The following ADAMTS10 variants were observed in gnomAD, a reference collection of about 807,000 sequenced individuals.
ADAMTS10 encodes the protein ADAM metallopeptidase with thrombospondin type 1 motif 10.
In ADAMTS10, 48 loss-of-function variants were observed where a neutral mutation model predicts 135.9. That is an observed-to-expected ratio of 0.35 (90% CI 0.28 to 0.45). ADAMTS10 has a LOEUF of 0.45. Among genes scored for constraint, ADAMTS10 ranks in the 20% least tolerant of loss-of-function variants. The pLI, the probability that ADAMTS10 is intolerant of heterozygous loss-of-function variation, is 1.00. For synonymous variants in ADAMTS10, 621 were observed against 647.5 expected, an observed-to-expected ratio of 0.96 and a Z score of 0.62; for missense variants, 1,131 against 1,565.2, an observed-to-expected ratio of 0.72 and a Z score of 4.68.
intron 15 of ADAMTS10, among the ~76,000 whole-genome samples, chr19:8,590,750 T>A (rs7260530): frequency 1.3e-5 from 2 of 151,804 alleles, no homozygotes; most frequent in Non-Finnish European, 2.9e-5. Flanking sequence ...ATGAGCCACC[T>A]CATCCGGCCT....
At position 8,589,586 on chromosome 19, in the gene ADAMTS10, CT is replaced by C. The variant is rs782570524; in HGVS notation, c.1901-2del. ...GTGAGCGAGCAGGCCTTCACGCCCCCTGGGGGGCACGGCCCCGTCACACCAC... is the reference window on the plus strand; with the variant it reads ...GTGAGCGAGCAGGCCTTCACGCCCCCGGGGGGCACGGCCCCGTCACACCAC... On this transcript the variant is annotated splice_acceptor_variant, in intron 16 of 25. Transcript: ENST00000597188. LOFTEE classifies it high-confidence loss of function. 3 of 1,613,362 alleles carry C rather than the reference CT, an allele frequency of 1.9e-6. No homozygotes were observed. The highest frequency in any genetic ancestry group is 2.5e-6 in the Non-Finnish European group (3 of 1,179,972).
At chr19:8,603,422 G>A (rs1376988962) in intron 5 of ADAMTS10, among the ~76,000 whole-genome samples, 1 of 152,104 alleles carries the variant, frequency 6.6e-6, no homozygotes, top group Non-Finnish European at 1.5e-5. Context: ...TGACAGGCAT[G>A]CGCCACCACG....
At chr19:8,609,922 C>T (rs1165283353) in intron 1 of ADAMTS10, among the ~76,000 whole-genome samples, 1 of 151,958 alleles carries the variant, frequency 6.6e-6, no homozygotes, top group Non-Finnish European at 1.5e-5. Context: ...CGGAGACAAA[C>T]ACATGGAGAC....
Position 8,605,312 on chromosome 19 carries a change from G to T in ADAMTS10, c.135C>A (p.Thr45=), listed in dbSNP as rs782775385. ...GCAGTGCCCCGTTGTGGTCCACGCGGGTGGGGAAGGCGATCTCATAGCTCT... is the reference window on the plus strand; with the variant it reads ...GCAGTGCCCCGTTGTGGTCCACGCGTGTGGGGAAGGCGATCTCATAGCTCT... ...SLESYEIAFP[T]RVDHNGALLA... The change falls in exon 4 of 26, where the codon ACC becomes ACA. Residue 45 remains threonine, a synonymous_variant. Coordinates refer to ENST00000597188, the MANE Select transcript of ADAMTS10 (RefSeq NM_030957.4). The surrounding 1 kb of genome is among the most constrained non-coding windows in gnomAD (Gnocchi z 7.7). 1 of 1,610,696 alleles carries T rather than the reference G, an allele frequency of 6.2e-7. No homozygotes were observed.
Position 8,605,392 on chromosome 19 carries a change from C to T in ADAMTS10, c.89-34G>A, listed in dbSNP as rs1304552521. 1.2e-5 allele frequency: 19 copies of T among 1,557,586 alleles called. No individual in the cohort carries two copies. The highest frequency in any genetic ancestry group is 1.6e-5 in the Non-Finnish European group (18 of 1,148,960). On this transcript the variant is annotated intron_variant, in intron 3 of 25. Transcript: ENST00000597188. The surrounding 1 kb of genome is among the most constrained non-coding windows in gnomAD (Gnocchi z 7.7). ...GAGGGTCAGAGGCCTGGGGTGGGCC[C>T]TGGTCTTATTGGACCCCTGTGTCCT...
rs1424278174 is a variant in ADAMTS10 at position 8,596,748 on chromosome 19, C to A, written c.1041-163G>T. Among the ~76,000 whole-genome samples the A allele has an allele frequency of 2.6e-5, 4 of 152,066 alleles. No homozygotes were observed. Among genetic ancestry groups the A allele is most frequent in the Admixed American group, 6.6e-5 (1 of 15,254 alleles). Reference sequence around the variant, plus strand: ...GACTGACCACATGAATGAATGAATGCATGCATGCATGCATGAGTGGGAGAA... The same window carrying A: ...GACTGACCACATGAATGAATGAATGAATGCATGCATGCATGAGTGGGAGAA... On this transcript the variant is annotated intron_variant, in intron 8 of 25. Transcript: ENST00000597188. This position sits in a 1 kb window ranked among gnomAD's most constrained non-coding sequence, Gnocchi z 7.2.
intron 1 of ADAMTS10, among the ~76,000 whole-genome samples, chr19:8,608,500 C>T (rs1341981685): frequency 6.6e-6 from 1 of 152,124 alleles, no homozygotes; most frequent in Non-Finnish European, 1.5e-5. Flanking sequence ...CAGATCAAGG[C>T]CCTTCCTGGT....
At chr19:8,593,087 T>C (rs1234929186) in intron 12 of ADAMTS10, 1 of 610,158 alleles carries the variant, frequency 1.6e-6, no homozygotes, top group Non-Finnish European at 3.0e-6. Context: ...TGGAGCACTT[T>C]ATACATGCCA....
chr19:8,580,607 A>T lies in ADAMTS10; in HGVS notation c.*286T>A. ...TTGGGGACTCCCTAAGGGTGGGTTC[A>T]AAGGGTGCTGGGGTGAACAGCTGTC... On this transcript the variant is annotated 3_prime_UTR_variant, in exon 26 of 26. Coordinates refer to ENST00000597188, the MANE Select transcript of ADAMTS10 (RefSeq NM_030957.4). 1 of 418,296 alleles carries T rather than the reference A, an allele frequency of 2.4e-6. No individual in the cohort carries two copies. The highest frequency in any genetic ancestry group is 4.5e-6 in the Non-Finnish European group (1 of 221,530). 25.9% of individuals were successfully genotyped at this position (418,296 alleles called of 1,614,324 possible).
intron 25 of ADAMTS10, among the ~76,000 whole-genome samples, chr19:8,583,806 G>A (rs1325084010): frequency 1.3e-5 from 2 of 151,948 alleles, no homozygotes; most frequent in African/African-American, 4.8e-5. Context: ...GCAGTGAGCC[G>A]AGATCGCTCT....
At chr19:8,584,154 C>CAAAAAAAAAAAA (rs34412373) in intron 25 of ADAMTS10, among the ~76,000 whole-genome samples, 3 of 44,868 alleles carry the variant, frequency 6.7e-5, no homozygotes, top group Non-Finnish European at 1.3e-4. Context: ...GACTCCATCT[C>CAAAAAAAAAAAA]AAAAAAAAAA....
intron 2 of ADAMTS10, among the ~76,000 whole-genome samples, chr19:8,607,737 C>G (rs2146108440): frequency 6.6e-6 from 1 of 152,086 alleles, no homozygotes; most frequent in South Asian, 2.1e-4. Flanking sequence ...GGAGCTCACT[C>G]ACAGATATTC....
intron 18 of ADAMTS10, among the ~76,000 whole-genome samples, chr19:8,589,029 T>C (rs2042479460): frequency 6.6e-6 from 1 of 152,132 alleles, no homozygotes. Flanking sequence ...TGGCCTCAAG[T>C]GATCATCCTG....
rs111993083 is a variant in ADAMTS10, at chr19:8,588,644, G to A, written c.2158+598C>T. 2.0e-3 allele frequency among the ~76,000 whole-genome samples: 311 copies of A among 152,166 alleles called. 3 individuals carry two copies. Among genetic ancestry groups the A allele is most frequent in the African/African-American group, 7.2e-3 (298 of 41,498 alleles). On this transcript the variant is annotated intron_variant, in intron 18 of 25. Coordinates refer to ENST00000597188, the MANE Select transcript of ADAMTS10 (RefSeq NM_030957.4). ...CTACATTCTCTGAATATCCCCTCCC[G>A]TAGTAAGCCTTTCCCTGCTAGCACA...
intron 25 of ADAMTS10, among the ~76,000 whole-genome samples, chr19:8,583,888 G>C (rs1369798333): frequency 6.6e-6 from 1 of 151,660 alleles, no homozygotes; most frequent in Non-Finnish European, 1.5e-5. Context: ...GCTGGGCATG[G>C]TGGCTCACGC....
chr19:8,607,675 T>G (rs1266739729), intron 2 of ADAMTS10, among the ~76,000 whole-genome samples: 1 of 152,098 alleles, frequency 6.6e-6, no homozygotes, highest in Non-Finnish European at 1.5e-5. Context: ...AAGTTGCTGA[T>G]GGACCAAGAA....
rs113579886 is a variant in ADAMTS10 at position 8,589,521 on chromosome 19, C to T, written c.1965G>A (p.Ala655=). The T allele has an allele frequency of 4.5e-5, 73 of 1,613,430 alleles. No homozygotes were observed. The highest frequency in any genetic ancestry group is 3.3e-4 in the Middle Eastern group (2 of 6,084). Residue 655 remains alanine, a synonymous_variant, in exon 17 of 26, where the codon GCG becomes GCA. Coordinates refer to ENST00000597188, the MANE Select transcript of ADAMTS10 (RefSeq NM_030957.4). The part of the protein sequence containing the change: ...AEGFNFYTER[A]AAVVDGTPCR... The stretch of plus-strand genomic sequence containing the variant: ...AGGGTGTCCCGTCCACCACGGCTGC[C>T]GCCCTCTCCGTGTAGAAGTTGAAGC...
Position 8,596,207 on chromosome 19 carries a change from G to C in ADAMTS10, c.1203C>G (p.Asn401Lys). 6.2e-7 allele frequency: 1 copy of C among 1,614,028 alleles called. No individual in the cohort carries two copies. Among genetic ancestry groups the C allele is most frequent in the South Asian group, 1.1e-5 (1 of 91,092 alleles). ...AHEIGHTFGM[N>K]HDGVGNSCGA... Reference sequence around the variant, plus strand: ...CACAGCTGTTTCCCACGCCGTCATGGTTCATGCCGAATCTGGGGAAAGGGG... The same window carrying C: ...CACAGCTGTTTCCCACGCCGTCATGCTTCATGCCGAATCTGGGGAAAGGGG... The change falls in exon 11 of 26, where the codon AAC becomes AAG. Residue 401 changes from asparagine to lysine, a missense_variant. By Grantham distance (94) the Asn-to-Lys change is moderately conservative. Around this residue, in one of 3 missense-constraint regions of ADAMTS10, gnomAD observed 745 missense variants for 1,056.3 expected, o/e 0.71. Transcript: ENST00000597188. This position sits in a 1 kb window ranked among gnomAD's most constrained non-coding sequence, Gnocchi z 7.2.
Position 8,596,357 on chromosome 19 carries a change from C to T in ADAMTS10, c.1140G>A (p.Glu380=), listed in dbSNP as rs1271835140. The T allele has an allele frequency of 4.3e-6, 7 of 1,613,128 alleles. No homozygotes were observed. Among genetic ancestry groups the T allele is most frequent in the Non-Finnish European group, 5.9e-6 (7 of 1,179,868 alleles). The change falls in exon 10 of 26, where the codon GAG becomes GAA. Residue 380 remains glutamate, a synonymous_variant. Coordinates refer to ENST00000597188, the MANE Select transcript of ADAMTS10 (RefSeq NM_030957.4). This position sits in a 1 kb window ranked among gnomAD's most constrained non-coding sequence, Gnocchi z 7.2. ...CERERSCSVN[E]DIGLATAFTI... ...TGAACGCTGTGGCCAGGCCAATGTC[C>T]TCATTGACGCTGCAGCTTCTCTCGC...
Sources: gnomAD v4.1 joint callset for allele counts (sites outside exome capture counted in the v4.1 genomes callset) on GRCh38, gnomAD v4.1.1 for gene constraint, gnomAD v4.1.1 regional missense constraint, Gnocchi (gnomAD v3.1) non-coding constraint, MANE v1.5 for transcripts, NCBI Gene and HGNC (gene_info 2026-07-23, HGNC 2026-07-21) for gene names.